MGST1: variants seen among roughly 807,000 people sequenced by gnomAD.
MGST1 encodes microsomal glutathione S-transferase 1, also known as glutathione S-transferase 12.
MGST1 carries 5 observed loss-of-function variants against 8.9 expected under a neutral mutation model. The ratio of observed to expected loss-of-function variants is 0.56; its 90% CI spans 0.29 to 1.19. MGST1 has a LOEUF of 1.19. MGST1 is among the 50% of genes most tolerant of loss of function. The pLI is 0.08. For missense variants in MGST1, 182 were observed against 187.4 expected (o/e 0.97, Z 0.17); for synonymous variants, 54 against 67.8 (o/e 0.80, Z 1.00).
chr12:16,514,110 G>A (rs550535223), intron 4 of MGST1: 23 of 371,434 alleles, frequency 6.2e-5, no homozygotes, highest in South Asian at 5.3e-4. Context: ...TGCACTCTTC[G>A]ACATGGCCTA....
At chr12:16,453,498 A>G (rs1941146701) in intron 4 of MGST1, among the ~76,000 whole-genome samples, 1 of 151,948 alleles carries the variant, frequency 6.6e-6, no homozygotes, top group Non-Finnish European at 1.5e-5. Flanking sequence ...ATACATTTAT[A>G]TAATAAAGAC....
Position 16,582,705 on chromosome 12 carries a change from C to T in MGST1, n.483-6823C>T, listed in dbSNP as rs2058796. Among the ~76,000 whole-genome samples the T allele has an allele frequency of 0.22, 33,021 of 152,032 alleles. 4,491 individuals are homozygous for T. The highest frequency in any genetic ancestry group is 0.31 in the South Asian group (1,483 of 4,816). ...ACAACAAGATCACCGTTCCTAGGTA[C>T]GGTCCCTCACTCTTTTAAGTATCTG... On this transcript the variant is annotated intron_variant and non_coding_transcript_variant, in intron 4 of 4. Transcript: ENST00000538857. The surrounding 1 kb of genome is among the most constrained non-coding windows in gnomAD (Gnocchi z 4.1).
chr12:16,451,705 C>A (rs998787305), intron 4 of MGST1, among the ~76,000 whole-genome samples: 4 of 151,784 alleles, frequency 2.6e-5, no homozygotes, highest in African/African-American at 4.8e-5. Context: ...TTTATAAGTT[C>A]TTATTGCTCT....
rs1271869436 is a variant in MGST1, at chr12:16,500,424, T to C, written n.483-89104T>C. Among the ~76,000 whole-genome samples the C allele has an allele frequency of 1.3e-5, 2 of 152,226 alleles. No homozygotes were observed. The highest frequency in any genetic ancestry group is 2.9e-5 in the Non-Finnish European group (2 of 68,036). On this transcript the variant is annotated intron_variant and non_coding_transcript_variant, in intron 4 of 4. Transcript: ENST00000538857. The surrounding 1 kb of genome is among the most constrained non-coding windows in gnomAD (Gnocchi z 4.3). ...ATTCAGGGACACATTTCAAGCAGTTTCAACTCTTTTAATTAGAATTTATTT... is the reference window on the plus strand; with the variant it reads ...ATTCAGGGACACATTTCAAGCAGTTCCAACTCTTTTAATTAGAATTTATTT...
intron 4 of MGST1, among the ~76,000 whole-genome samples, chr12:16,557,178 T>G (rs1324183486): frequency 1.3e-5 from 2 of 152,098 alleles, no homozygotes; most frequent in Non-Finnish European, 2.9e-5. Flanking sequence ...GTTTAGCACT[T>G]GAATGTTTTT....
At chr12:16,451,520 TAA>T (rs1941129189) in intron 4 of MGST1, among the ~76,000 whole-genome samples, 1 of 151,904 alleles carries the variant, frequency 6.6e-6, no homozygotes, top group African/African-American at 2.4e-5. Flanking sequence ...TTAGCATTCT[TAA>T]AAGTTTCTTG....
intron 4 of MGST1, among the ~76,000 whole-genome samples, chr12:16,511,320 CTT>C (rs1423949752): frequency 6.6e-6 from 1 of 152,194 alleles, no homozygotes; most frequent in Non-Finnish European, 1.5e-5. Context: ...ATGCCCATGA[CTT>C]TGGCCTTTTT....
chr12:16,551,122 G>A (rs545860787), intron 4 of MGST1: 16 of 770,034 alleles, frequency 2.1e-5, no homozygotes, highest in South Asian at 1.9e-4. Context: ...CTATATCTAC[G>A]CTATTCAGTA....
At chr12:16,409,458 A>C (rs371043951) in intron 1 of MGST1, among the ~76,000 whole-genome samples, 20 of 152,146 alleles carry the variant, frequency 1.3e-4, no homozygotes, top group East Asian at 7.7e-4. Flanking sequence ...TCACCTGTGC[A>C]TGCAGTGGGA....
intron 4 of MGST1, among the ~76,000 whole-genome samples, chr12:16,468,831 A>G (rs983440931): frequency 2.0e-5 from 3 of 152,200 alleles, no homozygotes; most frequent in Admixed American, 2.0e-4. Flanking sequence ...CTGTCTAGCT[A>G]GGGACTGCAT....
chr12:16,503,930 A>G lies in MGST1; in HGVS notation n.483-85598A>G, dbSNP rs1941520915. 6.6e-6 allele frequency among the ~76,000 whole-genome samples: 1 copy of G among 152,218 alleles called. No individual in the cohort carries two copies. Among genetic ancestry groups the G allele is most frequent in the Non-Finnish European group, 1.5e-5 (1 of 68,032 alleles). ...GGGGTAGCCCTGCTCTGCAAGGCAC[A>G]GTACCTCCGGTGCTGCTGTATGCTG... On this transcript the variant is annotated intron_variant and non_coding_transcript_variant, in intron 4 of 4. Transcript: ENST00000538857. The surrounding 1 kb of genome is among the most constrained non-coding windows in gnomAD (Gnocchi z 4.8).
chr12:16,473,394 T>C (rs1941300545), intron 4 of MGST1, among the ~76,000 whole-genome samples: 1 of 152,082 alleles, frequency 6.6e-6, no homozygotes, highest in African/African-American at 2.4e-5. Context: ...AAATGAAGAG[T>C]ATTAGAAACA....
chr12:16,496,882 A>G (rs868033326), intron 4 of MGST1, among the ~76,000 whole-genome samples: 1 of 152,306 alleles, frequency 6.6e-6, no homozygotes, highest in South Asian at 2.1e-4. Flanking sequence ...AACATATAGG[A>G]GGTTAAATGA....
chr12:16,531,156 CAAAAAAAAAAAAAA>C (rs5796677), intron 4 of MGST1, among the ~76,000 whole-genome samples: 1 of 46,516 alleles, frequency 2.1e-5, no homozygotes, highest in Non-Finnish European at 3.9e-5. Context: ...TACCCCTGAC[CAAAAAAAAAAAAAA>C]AAAAAAAAAA....
At chr12:16,388,511 A>G (rs918773596) in intron 1 of MGST1, among the ~76,000 whole-genome samples, 41 of 152,180 alleles carry the variant, frequency 2.7e-4, no homozygotes, top group African/African-American at 9.7e-4. Context: ...AGGATTTGAT[A>G]CTATTGACAG....
At chr12:16,448,467 T>C (rs1402559079) in intron 4 of MGST1, among the ~76,000 whole-genome samples, 1 of 151,710 alleles carries the variant, frequency 6.6e-6, no homozygotes, top group African/African-American at 2.4e-5. Context: ...GCACACGAGA[T>C]TATCAATTCA....
At position 16,410,605 on chromosome 12, in the gene MGST1, A is replaced by G. The variant is rs1000380842; in HGVS notation, n.779-26783A>G. On this transcript the variant is annotated intron_variant and non_coding_transcript_variant, in intron 1 of 1. Transcript: ENST00000359720. The surrounding 1 kb of genome is among the most constrained non-coding windows in gnomAD (Gnocchi z 4.4). ...TTTACACATACATATTAATGTTTAT[A>G]TATTACATATAAATATTAATATATG... Among the ~76,000 whole-genome samples, 4 of 148,304 alleles carry G rather than the reference A, an allele frequency of 2.7e-5. No homozygotes were observed. The highest frequency in any genetic ancestry group is 4.5e-5 in the Non-Finnish European group (3 of 67,316).
chr12:16,555,702 T>C lies in MGST1; in HGVS notation n.483-33826T>C, dbSNP rs753073331. Among the ~76,000 whole-genome samples the C allele has an allele frequency of 3.3e-5, 5 of 152,188 alleles. No homozygotes were observed. The highest frequency in any genetic ancestry group is 7.3e-5 in the Non-Finnish European group (5 of 68,032). ...CTCCATGTGCCTACCAAACCGCTTC[T>C]CTAATCTCTGAACATACTGAGCCGC... On this transcript the variant is annotated intron_variant and non_coding_transcript_variant, in intron 4 of 4. Coordinates refer to the MGST1 transcript ENST00000538857. This position sits in a 1 kb window ranked among gnomAD's most constrained non-coding sequence, Gnocchi z 5.5.
chr12:16,383,876 TATG>T (rs1940480009), intron 1 of MGST1, among the ~76,000 whole-genome samples: 1 of 152,244 alleles, frequency 6.6e-6, no homozygotes, highest in South Asian at 2.1e-4. Flanking sequence ...TATTTTAAAA[TATG>T]ATTACAAATG....
Sources: allele counts gnomAD v4.1 joint callset (sites outside exome capture counted in the v4.1 genomes callset), GRCh38; gene constraint gnomAD v4.1.1; non-coding constraint Gnocchi (gnomAD v3.1); transcripts MANE v1.5; gene names NCBI Gene and HGNC (gene_info 2026-07-23, HGNC 2026-07-21).